Variants in PIGQ observed in about 807,000 individuals in gnomAD.
PIGQ encodes the protein phosphatidylinositol N-acetylglucosaminyltransferase subunit Q.
In PIGQ, 54 loss-of-function variants were observed where a neutral mutation model predicts 60.3. The observed-to-expected ratio is 0.90, with a 90% confidence interval of 0.72 to 1.12. The LOEUF is 1.12. PIGQ is among the 50% of genes most tolerant of loss of function. The probability of loss-of-function intolerance (pLI) is 0.00; values close to 1 mark genes in which losing one functional copy is unlikely to be tolerated. For synonymous variants in PIGQ, 416 were observed against 363.7 expected (o/e 1.14, Z -1.64); for missense variants, 799 against 793.5 (o/e 1.01, Z -0.08).
At chr16:580,378 G>T (rs909191179) in intron 8 of PIGQ, 115 bp downstream of exon 8, 2 of 780,726 alleles carry the variant, frequency 2.6e-6, no homozygotes, top group Non-Finnish European at 4.2e-6. Flanking sequence ...AGGCCACGTG[G>T]GTGGCCTTTC....
rs369412372 is a variant in PIGQ, at chr16:576,651, CA to C, written c.942+398del. 1.1e-3 allele frequency: 487 copies of C among 448,362 alleles called. 3 individuals carry two copies. Among genetic ancestry groups the C allele is most frequent in the African/African-American group, 8.8e-3 (444 of 50,172 alleles). The allele number at this position is 448,362 out of a possible 1,614,324, so 27.8% of individuals were successfully genotyped here. A position where few individuals can be genotyped will look rare whatever the true frequency, so the allele number is the denominator to read the frequency against. ...TTTCCTGTCCAGGGAGGCCCATGTG[CA>C]GCCCAGCTGGGACTTCCTGCCCTGC... On this transcript the variant is annotated intron_variant, in intron 4 of 10. Coordinates refer to ENST00000321878, the MANE Select transcript of PIGQ (RefSeq NM_004204.5).
At chr16:574,014 CG>C in intron 1 of PIGQ, 51 bp from the exon 2 acceptor site, 1 of 1,344,422 alleles carries the variant, frequency 7.4e-7, no homozygotes, top group East Asian at 2.4e-5. Flanking sequence ...CCGCAGCCCA[CG>C]GTGGGGGGGC....
At chr16:578,178 A>T in intron 4 of PIGQ, 1 of 547,518 alleles carries the variant, frequency 1.8e-6, no homozygotes, top group Non-Finnish European at 3.2e-6. Flanking sequence ...CTGCAGAGAG[A>T]GGCCTCCAGA....
In PIGQ at chr16:582,626, G is replaced by A. The variant is rs554881880; in HGVS notation, c.1594-257G>A. The A allele has an allele frequency of 4.4e-5, 26 of 584,712 alleles. No individual in the cohort carries two copies. The Admixed American group carries it at 6.3e-4, about 14-fold the overall frequency. 36.2% of individuals were successfully genotyped at this position (584,712 alleles called of 1,614,324 possible). A position where few individuals can be genotyped will look rare whatever the true frequency, so the allele number is the denominator to read the frequency against. ...GAACCGACTGAGTGAGTCCTGGGGTGGGGTGTGCGTCCCTGTGGCACGGCC... is the reference window on the plus strand; with the variant it reads ...GAACCGACTGAGTGAGTCCTGGGGTAGGGTGTGCGTCCCTGTGGCACGGCC... On this transcript the variant is annotated intron_variant, in intron 10 of 10. Transcript: ENST00000321878.
chr16:576,413 C>T, intron 4 of PIGQ, 159 bp downstream of exon 4: 1 of 888,154 alleles, frequency 1.1e-6, no homozygotes. Context: ...AGCAGGAACT[C>T]CAGGGGCGCT....
At position 580,451 on chromosome 16, in the gene PIGQ, G is replaced by A. The variant is rs568320269; in HGVS notation, c.1416+188G>A. On this transcript the variant is annotated intron_variant, in intron 8 of 10. Coordinates refer to ENST00000321878, the MANE Select transcript of PIGQ (RefSeq NM_004204.5). Reference sequence around the variant, plus strand: ...GGCGAGGCCCTATCCTGGCCAGTAAGACACCCTCACTGCCCTGGAGCACGC... The same window carrying A: ...GGCGAGGCCCTATCCTGGCCAGTAAAACACCCTCACTGCCCTGGAGCACGC... 22 of 561,220 alleles carry A rather than the reference G, an allele frequency of 3.9e-5. No homozygotes were observed. The African/African-American group carries it at 3.9e-4, about 10-fold the overall frequency. The allele number at this position is 561,220 out of a possible 1,614,324, so 34.8% of individuals were successfully genotyped here.
At chr16:578,652 G>C in intron 5 of PIGQ, 133 bp from the exon 6 acceptor site, 1 of 1,405,206 alleles carries the variant, frequency 7.1e-7, no homozygotes, top group South Asian at 1.3e-5. Context: ...TGAGGGCTGG[G>C]GCCTGGGCAC....
chr16:577,667 C>T (rs532259338), intron 4 of PIGQ, among the ~76,000 whole-genome samples: 7 of 152,274 alleles, frequency 4.6e-5, no homozygotes, highest in Non-Finnish European at 8.8e-5. Context: ...GGGGCCTGCG[C>T]AATGGGCAAG....
chr16:580,766 G>C, intron 8 of PIGQ, 92 bp from the exon 9 acceptor site: 1 of 750,818 alleles, frequency 1.3e-6, no homozygotes, highest in Non-Finnish European at 2.4e-6. Flanking sequence ...TGCAGCCTCT[G>C]GGCCCCCTTC....
intron 1 of PIGQ, chr16:572,723 C>T (rs1325472994): frequency 8.8e-6 from 4 of 455,742 alleles, no homozygotes; most frequent in Non-Finnish European, 1.8e-5. Flanking sequence ...TCTGTTCCCT[C>T]GTCCCTAAGG....
chr16:578,929 A>C lies in PIGQ; in HGVS notation c.1214A>C (p.Tyr405Ser). The C allele has an allele frequency of 6.2e-7, 1 of 1,607,746 alleles. No homozygotes were observed. Among genetic ancestry groups the C allele is most frequent in the South Asian group, 1.1e-5 (1 of 90,962 alleles). The change falls in exon 6 of 11, where the codon TAT becomes TCT. Residue 405 changes from tyrosine to serine, a missense_variant. Transcript: ENST00000321878. ...TTCCACATCTACTGCTTTTACGTCT[A>C]TGGAGCCAGGTGGGCGTGGGCTTCC... Reference protein sequence around the residue: ...LTFHIYCFYVYGARLYCLKIH... With the variant: ...LTFHIYCFYVSGARLYCLKIH...
chr16:580,773 C>G, intron 8 of PIGQ, 85 bp from the exon 9 acceptor site: 1 of 759,526 alleles, frequency 1.3e-6, no homozygotes. Context: ...TCTGGGCCCC[C>G]TTCATCGTGG....
At chr16:580,361 C>T (rs2035792064) in intron 8 of PIGQ, 98 bp downstream of exon 8, 2 of 944,986 alleles carry the variant, frequency 2.1e-6, no homozygotes, top group Non-Finnish European at 3.3e-6. Context: ...GGGCTGTCTC[C>T]TGCTGCAGGC....
At chr16:580,414 C>T (rs984950272) in intron 8 of PIGQ, 151 bp downstream of exon 8, 4 of 613,638 alleles carry the variant, frequency 6.5e-6, no homozygotes, top group Non-Finnish European at 8.7e-6. Flanking sequence ...GTGAGTGCTG[C>T]GCTCTGGAGT....
chr16:582,870 C>T lies in PIGQ; in HGVS notation c.1594-13C>T. ...TCAGACCACCCCACTGACCGCTGCC[C>T]TTGTCCTTCCAGATAAACCCACTGC... is the stretch of plus-strand genomic sequence containing the variant. On this transcript the variant is annotated splice_polypyrimidine_tract_variant and intron_variant, in intron 10 of 10. Coordinates refer to ENST00000321878, the MANE Select transcript of PIGQ (RefSeq NM_004204.5). The T allele has an allele frequency of 1.9e-6, 3 of 1,589,144 alleles. No homozygotes were observed. Among genetic ancestry groups the T allele is most frequent in the South Asian group, 1.1e-5 (1 of 88,690 alleles).
At position 579,037 on chromosome 16, in the gene PIGQ, GGGGCC is replaced by G. The variant is rs765349422; in HGVS notation, c.1224-26_1224-22del. ...GGGCGGGGGCGGGGCGGGGCGGGGC[GGGGCC>G]GGGCCCGACAGCACTGCGTCCTGTA... is the stretch of plus-strand genomic sequence containing the variant. On this transcript the variant is annotated intron_variant, in intron 6 of 10. Coordinates refer to ENST00000321878, the MANE Select transcript of PIGQ (RefSeq NM_004204.5). 14 of 1,570,320 alleles carry G rather than the reference GGGGCC, an allele frequency of 8.9e-6. No homozygotes were observed. The African/African-American group carries it at 1.6e-4, about 18-fold the overall frequency.
In PIGQ at chr16:574,706, C is replaced by T; in HGVS notation, c.632C>T (p.Pro211Leu). The T allele has an allele frequency of 6.3e-7, 1 of 1,596,652 alleles. No homozygotes were observed. Among genetic ancestry groups the T allele is most frequent in the Non-Finnish European group, 8.5e-7 (1 of 1,175,020 alleles). Residue 211 changes from proline to leucine, a missense_variant, in exon 2 of 11, where the codon CCC becomes CTC. Pro to Leu is a moderately conservative substitution (Grantham distance 98). Transcript: ENST00000321878. ...GAGCTGGCCAGGCGAGCCTCGGGAC[C>T]CATTTGCCTGCTGTTGGCCAGCCTG... ...LAELARRASG[P>L]ICLLLASLLS...
Position 575,858 on chromosome 16 carries a change from C to T in PIGQ, c.709C>T (p.Leu237=). ...SACRVFKLWP[L]SFLGSKLSTC... is the part of the protein sequence containing the mutation. ...ACGCAGAGTGTTCAAGCTCTGGCCC[C>T]TGTCCTTCCTCGGGAGCAAACTCTC... is the stretch of plus-strand genomic sequence containing the variant. The change falls in exon 3 of 11, where the codon CTG becomes TTG. Residue 237 remains leucine (L), a synonymous_variant. Coordinates refer to ENST00000321878, the MANE Select transcript of PIGQ (RefSeq NM_004204.5). The T allele has an allele frequency of 6.4e-7, 1 of 1,568,446 alleles. No homozygotes were observed. The highest frequency in any genetic ancestry group is 8.7e-7 in the Non-Finnish European group (1 of 1,155,880).
At chr16:571,518 GTGTCTGGCTAGCCTGGCGCC>G (rs1567173683) in intron 1 of PIGQ, among the ~76,000 whole-genome samples, 37 of 126,466 alleles carry the variant, frequency 2.9e-4, no homozygotes, top group East Asian at 7.3e-4. Flanking sequence ...GTGTGTGTGT[GTGTCTGGCTAGCCTGGCGCC>G]TGTGTGTGTG....
Sources: allele counts gnomAD v4.1 joint callset (sites outside exome capture counted in the v4.1 genomes callset), GRCh38; gene constraint gnomAD v4.1.1; transcripts MANE v1.5; gene names NCBI Gene and HGNC (gene_info 2026-07-23, HGNC 2026-07-21).